Variants in SRSF7 observed in about 807,000 individuals in gnomAD.
The protein encoded by SRSF7 is serine and arginine rich splicing factor 7.
SRSF7 carries 15 observed loss-of-function variants against 42.2 expected under a neutral mutation model. The observed-to-expected ratio is 0.36, with a 90% confidence interval of 0.24 to 0.55. SRSF7 has a LOEUF of 0.55. SRSF7 is among the 20% of genes least tolerant of loss of function. The pLI is 0.88. For synonymous variants in SRSF7, 138 were observed against 107.9 expected (o/e 1.28, Z -1.73); for missense variants, 181 against 305.9 (o/e 0.59, Z 3.04).
At chr2:38,750,363 T>A (rs3134629) in intron 1 of SRSF7, among the ~76,000 whole-genome samples, 169 bp from the exon 2 acceptor site, 1 of 151,824 alleles carries the variant, frequency 6.6e-6, no homozygotes, top group East Asian at 1.9e-4. Context: ...CGCAAATCCC[T>A]GAGAAACTAG....
In SRSF7 at chr2:38,747,854, T is replaced by C. The variant is rs1259329704; in HGVS notation, c.572+193A>G. Among the ~76,000 whole-genome samples, 5 of 152,230 alleles carry C rather than the reference T, an allele frequency of 3.3e-5. No homozygotes were observed. The East Asian group carries it at 9.6e-4, about 29-fold the overall frequency. The stretch of plus-strand genomic sequence containing the variant: ...TGTCTACCACACGGCCTAACAAGCC[T>C]TAAAATCTCTAGTAGCCCTTTTCTT... On this transcript the variant is annotated intron_variant, in intron 5 of 7. Transcript: ENST00000313117.
Position 38,748,127 on chromosome 2 carries a change from T to C in SRSF7, c.492A>G (p.Arg164=). The change falls in exon 5 of 8, where the codon AGA becomes AGG. Residue 164 remains arginine (R), a synonymous_variant. Transcript: ENST00000313117. ...RSRSASPRRS[R]SISLRRSRSA... is the part of the protein sequence containing the mutation. ...ATCTTGATCTACGAAGAGAGATAGA[T>C]CTTGATCGTCGAGGAGATGCTGACC... is the stretch of plus-strand genomic sequence containing the variant. 5 of 1,613,844 alleles carry C rather than the reference T, an allele frequency of 3.1e-6. No individual in the cohort carries two copies. The African/African-American group carries it at 5.3e-5, about 17-fold the overall frequency.
intron 7 of SRSF7, among the ~76,000 whole-genome samples, chr2:38,745,543 T>A (rs183616172): frequency 1.3e-5 from 2 of 151,948 alleles, no homozygotes; most frequent in African/African-American, 4.8e-5. Context: ...TAATCCCAAC[T>A]GCTCAAGAGG....
In SRSF7 at chr2:38,749,525, A is replaced by ATACCTGCT; in HGVS notation, c.382_386+3dup. On this transcript the variant is annotated splice_donor_region_variant and intron_variant, in intron 3 of 7. Coordinates refer to ENST00000313117, the MANE Select transcript of SRSF7 (RefSeq NM_001031684.3). ...ACCAACCATTCCTTTATTAAAATAA[A>ATACCTGCT]TACCTGCTTCTTCTTCGCCGGCTGT... 6.4e-7 allele frequency: 1 copy of ATACCTGCT among 1,560,402 alleles called. No homozygotes were observed. The highest frequency in any genetic ancestry group is 8.6e-7 in the Non-Finnish European group (1 of 1,156,210).
chr2:38,745,855 T>C (rs765647106), intron 7 of SRSF7, among the ~76,000 whole-genome samples: 10 of 152,144 alleles, frequency 6.6e-5, no homozygotes, highest in Non-Finnish European at 1.5e-4. Flanking sequence ...GTATCTATTG[T>C]ACATGTGGGG....
At chr2:38,749,436 C>A in intron 3 of SRSF7, 93 bp downstream of exon 3, 1 of 1,556,938 alleles carries the variant, frequency 6.4e-7, no homozygotes, top group Non-Finnish European at 8.7e-7. Flanking sequence ...AATTAACATT[C>A]AAGTTTATAG....
intron 1 of SRSF7, 164 bp downstream of exon 1, chr2:38,751,065 C>A: frequency 1.2e-6 from 1 of 833,120 alleles, no homozygotes; most frequent in Non-Finnish European, 2.0e-6. Context: ...CATCCCGTCT[C>A]CCTTCAGCAC....
At position 38,748,670 on chromosome 2, in the gene SRSF7, A is replaced by G; in HGVS notation, c.387-17T>C. Reference sequence around the variant, plus strand: ...GACCGTGACCTATTTTTCAAGTTAGAGAAAAAACAAAATGTCAGACAATAA... The same window carrying G: ...GACCGTGACCTATTTTTCAAGTTAGGGAAAAAACAAAATGTCAGACAATAA... On this transcript the variant is annotated splice_polypyrimidine_tract_variant and intron_variant, in intron 3 of 7. Coordinates refer to ENST00000313117, the MANE Select transcript of SRSF7 (RefSeq NM_001031684.3). The G allele has an allele frequency of 6.2e-7, 1 of 1,612,454 alleles. No individual in the cohort carries two copies. The highest frequency in any genetic ancestry group is 8.5e-7 in the Non-Finnish European group (1 of 1,178,526).
At chr2:38,750,441 G>GT (rs966639515) in intron 1 of SRSF7, among the ~76,000 whole-genome samples, 1 of 151,862 alleles carries the variant, frequency 6.6e-6, no homozygotes, top group African/African-American at 2.4e-5. Flanking sequence ...GCAGAAACGC[G>GT]TGGTAGGATA....
chr2:38,746,970 T>C, intron 5 of SRSF7: 2 of 720,848 alleles, frequency 2.8e-6, no homozygotes, highest in Middle Eastern at 4.8e-4. Context: ...TTAGTTTCTG[T>C]ACAGGTATAA....
chr2:38,750,631 G>A (rs1668176901), intron 1 of SRSF7, among the ~76,000 whole-genome samples: 1 of 151,950 alleles, frequency 6.6e-6, no homozygotes, highest in Non-Finnish European at 1.5e-5. Context: ...AACGTCCCAG[G>A]CACAGGCTCG....
In SRSF7 at chr2:38,748,498, A is replaced by T. The variant is rs916780185; in HGVS notation, c.461+81T>A. ...ACAGAGCAAGACCCTGTCTCCAAAA[A>T]AAATAATGAGCTTTTTCTGTGTTGG... is the stretch of plus-strand genomic sequence containing the variant. On this transcript the variant is annotated intron_variant, in intron 4 of 7. Transcript: ENST00000313117. 4.1e-6 allele frequency: 6 copies of T among 1,474,522 alleles called. No homozygotes were observed. The African/African-American group carries it at 6.9e-5, about 17-fold the overall frequency. The allele number at this position is 1,474,522 out of a possible 1,614,324, so 91.3% of individuals were successfully genotyped here.
chr2:38,747,212 C>A (rs997853477), intron 5 of SRSF7: 5 of 393,462 alleles, frequency 1.3e-5, no homozygotes, highest in Non-Finnish European at 2.6e-5. Context: ...AGCCGCCCCC[C>A]ATTTGTAAGG....
Position 38,750,129 on chromosome 2 carries a change from T to C in SRSF7, c.94A>G (p.Ser32Gly). 6.2e-7 allele frequency: 1 copy of C among 1,613,342 alleles called. No individual in the cohort carries two copies. Among genetic ancestry groups the C allele is most frequent in the Non-Finnish European group, 8.5e-7 (1 of 1,179,702 alleles). Residue 32 changes from serine to glycine, a missense_variant, in exon 2 of 8, where the codon AGT (serine) becomes GGT (glycine). Physicochemically the swap from Ser to Gly is moderately conservative, Grantham distance 56. Transcript: ENST00000313117. ...ACAGTTCTTAAAGGACCATAATAAC[T>C]GAAAGCCCTTTCTAACTCTCCTTTG... ...AGKGELERAF[S>G]YYGPLRTVWI...
At position 38,744,952 on chromosome 2, in the gene SRSF7, T is replaced by C; in HGVS notation, c.*181A>G. 1.9e-6 allele frequency: 1 copy of C among 537,132 alleles called. No individual in the cohort carries two copies. Among genetic ancestry groups the C allele is most frequent in the Non-Finnish European group, 3.2e-6 (1 of 315,338 alleles). 33.3% of individuals were successfully genotyped at this position (537,132 alleles called of 1,614,324 possible). Reference sequence around the variant, plus strand: ...TAAAAACCCACATTTTCAGACCATATGATGTTAATACATTCAACAAAATTT... The same window carrying C: ...TAAAAACCCACATTTTCAGACCATACGATGTTAATACATTCAACAAAATTT... On this transcript the variant is annotated 3_prime_UTR_variant, in exon 8 of 8. Transcript: ENST00000313117.
At position 38,750,019 on chromosome 2, in the gene SRSF7, A is replaced by C; in HGVS notation, c.204T>G (p.Asp68Glu). 1 of 1,608,314 alleles carries C rather than the reference A, an allele frequency of 6.2e-7. No homozygotes were observed. Among genetic ancestry groups the C allele is most frequent in the Non-Finnish European group, 8.5e-7 (1 of 1,178,270 alleles). ...RDAEDAVRGL[D>E]GKVICGSRVR... ...ATTCATAACATCTTACTTACTTTCC[A>C]TCCAGTCCTCGTACTGCATCTTCTG... Residue 68 changes from aspartate (D) to glutamate (E), a missense_variant, in exon 2 of 8, where the codon GAT becomes GAG. Physicochemically the swap from Asp to Glu is conservative, Grantham distance 45. Coordinates refer to ENST00000313117, the MANE Select transcript of SRSF7 (RefSeq NM_001031684.3).
chr2:38,746,968 T>C (rs1667517522), intron 5 of SRSF7: 16 of 721,590 alleles, frequency 2.2e-5, no homozygotes, highest in Non-Finnish European at 3.6e-5. Context: ...GGTTAGTTTC[T>C]GTACAGGTAT....
intron 3 of SRSF7, chr2:38,749,248 C>T: frequency 7.2e-7 from 1 of 1,391,418 alleles, no homozygotes; most frequent in Non-Finnish European, 9.6e-7. Context: ...ACCTCAAGGT[C>T]TAGGAGGATC....
upstream of SRSF7, chr2:38,751,369 A>C (rs563964374): frequency 4.8e-6 from 7 of 1,469,622 alleles, no homozygotes; most frequent in Non-Finnish European, 6.6e-6. Flanking sequence ...TACGAGGAAG[A>C]GCCCGGGTTC....
Sources: gnomAD v4.1 joint callset for allele counts (sites outside exome capture counted in the v4.1 genomes callset) on GRCh38, gnomAD v4.1.1 for gene constraint, MANE v1.5 for transcripts, NCBI Gene and HGNC (gene_info 2026-07-23, HGNC 2026-07-21) for gene names.